Variants in PIGA observed in about 807,000 individuals in gnomAD.
PIGA encodes the protein phosphatidylinositol glycan anchor biosynthesis class A.
PIGA carries 3 observed loss-of-function variants against 17.1 expected under a neutral mutation model. The observed-to-expected ratio is 0.18, with a 90% confidence interval of 0.08 to 0.45. The LOEUF (loss-of-function observed/expected upper bound fraction) is 0.45. Among genes scored for constraint, PIGA ranks in the 20% least tolerant of loss-of-function variants. The pLI, the probability that PIGA is intolerant of heterozygous loss-of-function variation, is 0.99. For synonymous variants in PIGA, 126 were observed against 135.1 expected, an observed-to-expected ratio of 0.93 and a Z score of 0.47; for missense variants, 231 against 374.1, an observed-to-expected ratio of 0.62 and a Z score of 3.16.
Position 15,331,839 on chromosome X carries a change from C to A in PIGA, c.92G>T (p.Arg31Leu). The change falls in exon 2 of 6, where the codon CGT becomes CTT. Residue 31 changes from arginine (R) to leucine (L), a missense_variant. By Grantham distance (102) the Arg-to-Leu change is moderately radical (BLOSUM62 -2). Around this residue, in one of 5 missense-constraint regions of PIGA, gnomAD observed 29 missense variants for 28.1 expected, o/e 1.03. Transcript: ENST00000333590. ...SPGSLYTCRT[R>L]THNICMVSDF... ...AGATACCATGCATATATTATGGGTA[C>A]GGGTTCTACATGTGTAAAGACTTCC... 5.0e-6 allele frequency: 6 copies of A among 1,211,659 alleles called. No individual in the cohort carries two copies. The highest frequency in any genetic ancestry group is 5.6e-6 in the Non-Finnish European group (5 of 895,409).
intron 5 of PIGA, among the ~76,000 whole-genome samples, chrX:15,323,217 C>T (rs1364627329): frequency 2.7e-5 from 3 of 111,700 alleles, no homozygotes; most frequent in African/African-American, 9.8e-5. Flanking sequence ...TAACTTATTA[C>T]CTACAGTGGC....
At chrX:15,327,306 A>G (rs1174070155) in intron 2 of PIGA, 2 of 110,706 alleles carry the variant, frequency 1.8e-5, no homozygotes, top group Non-Finnish European at 1.9e-5. Flanking sequence ...AAAATAATCC[A>G]CCTAGAGCTA....
Position 15,319,521 on chromosome X carries a change from A to G in PIGA, c.*1985T>C, listed in dbSNP as rs1921732702. 2 of 112,222 alleles carry G rather than the reference A, an allele frequency of 1.8e-5. No individual in the cohort carries two copies. The highest frequency in any genetic ancestry group is 7.3e-4 in the South Asian group (2 of 2,754). 9.2% of individuals were successfully genotyped at this position (112,222 alleles called of 1,213,427 possible). On this transcript the variant is annotated 3_prime_UTR_variant, in exon 6 of 6. Coordinates refer to ENST00000333590, the MANE Select transcript of PIGA (RefSeq NM_002641.4). The stretch of plus-strand genomic sequence containing the variant: ...GCATGTTTTAACAAATCAGTTTTTC[A>G]TAGGCAACCTTTTGAAACATCAAAA...
chrX:15,321,696 G>A lies in PIGA; in HGVS notation c.1265C>T (p.Pro422Leu). The change falls in exon 6 of 6, where the codon CCA (proline) becomes CTA (leucine). Residue 422 changes from proline to leucine, a missense_variant. By Grantham distance (98) the Pro-to-Leu change is moderately conservative (BLOSUM62 -3). Coordinates refer to ENST00000333590, the MANE Select transcript of PIGA (RefSeq NM_002641.4). ...RLDRLISHCG[P>L]VTGYIFALLA... ...CAAAGCAAAGATGTAGCCTGTTACTGGGCCGCAGTGAGAAATAAGTCTGTC... is the reference window on the plus strand; with the variant it reads ...CAAAGCAAAGATGTAGCCTGTTACTAGGCCGCAGTGAGAAATAAGTCTGTC... 8.3e-7 allele frequency: 1 copy of A among 1,208,096 alleles called. No homozygotes were observed. Among genetic ancestry groups the A allele is most frequent in the Non-Finnish European group, 1.1e-6 (1 of 892,308 alleles).
intron 1 of PIGA, 125 bp from the exon 2 acceptor site, chrX:15,332,117 G>T: frequency 2.2e-6 from 1 of 446,082 alleles, no homozygotes; most frequent in Non-Finnish European, 3.4e-6. Flanking sequence ...TAAAAATAAA[G>T]CAAATCATCA....
Position 15,331,408 on chromosome X carries a change from GAGACACGGTT to G in PIGA, c.513_522del (p.Thr172PhefsTer20). The G allele has an allele frequency of 8.3e-7, 1 of 1,210,792 alleles. No homozygotes were observed. Among genetic ancestry groups the G allele is most frequent in the Non-Finnish European group, 1.1e-6 (1 of 894,521 alleles). ...CAAATGATGTGGTTTGTATCACAAA[GAGACACGGTT>G]AGAAGCTTGTTTGTAAGCACCGAGC... On this transcript the variant is annotated frameshift_variant, in exon 2 of 6. Transcript: ENST00000333590. LOFTEE classifies it high-confidence loss of function.
Position 15,334,175 on chromosome X carries a change from A to G in PIGA, c.-63+1326T>C, listed in dbSNP as rs747835228. 2.2e-4 allele frequency among the ~76,000 whole-genome samples: 23 copies of G among 103,850 alleles called. 1 individual carries two copies. The South Asian group carries it at 9.1e-3, about 41-fold the overall frequency. 90.2% of individuals were successfully genotyped at this position (103,850 alleles called of 115,157 possible). On this transcript the variant is annotated intron_variant, in intron 1 of 5. Coordinates refer to ENST00000333590, the MANE Select transcript of PIGA (RefSeq NM_002641.4). ...GCTTAACTGTCTAGTCTCTCCAACA[A>G]ATTCATCTACTTTTTTTTTTTTTTT...
chrX:15,335,522 G>A lies in PIGA; in HGVS notation c.-84C>T. The A allele has an allele frequency of 1.0e-6, 1 of 976,185 alleles. No homozygotes were observed. The highest frequency in any genetic ancestry group is 1.3e-6 in the Non-Finnish European group (1 of 775,738). 80.4% of individuals were successfully genotyped at this position (976,185 alleles called of 1,213,427 possible). On this transcript the variant is annotated 5_prime_UTR_variant, in exon 1 of 6. Coordinates refer to ENST00000333590, the MANE Select transcript of PIGA (RefSeq NM_002641.4). The stretch of plus-strand genomic sequence containing the variant: ...TCACCGGTGAGTTCCATGGCCGCCA[G>A]TGTCCGGACCTCCCGCGGCTGCAGC...
chrX:15,335,268 T>G (rs900623294), intron 1 of PIGA: 1 of 295,308 alleles, frequency 3.4e-6, no homozygotes, highest in Non-Finnish European at 5.8e-6. Flanking sequence ...AGGCCCGGGG[T>G]TCCGGAGACC....
chrX:15,329,851 C>T (rs753657072), intron 2 of PIGA, among the ~76,000 whole-genome samples: 154 of 111,100 alleles, frequency 1.4e-3, no homozygotes, highest in African/African-American at 4.8e-3. Flanking sequence ...TTTGGGAGGC[C>T]GGGGCAGGTG....
chrX:15,334,991 G>A (rs1206467779), intron 1 of PIGA, among the ~76,000 whole-genome samples: 4 of 111,890 alleles, frequency 3.6e-5, no homozygotes, highest in Non-Finnish European at 5.6e-5. Flanking sequence ...CACGACCAAC[G>A]AGCCCTGGGC....
chrX:15,329,478 A>C (rs1365331273), intron 2 of PIGA, among the ~76,000 whole-genome samples: 1 of 111,986 alleles, frequency 8.9e-6, no homozygotes, highest in Non-Finnish European at 1.9e-5. Context: ...TGTTTTATGA[A>C]GGAGGGTGTG....
rs182885467 is a variant in PIGA, at chrX:15,324,530, T to C, written c.1188+135A>G. The C allele has an allele frequency of 2.5e-5, 13 of 520,643 alleles. No individual in the cohort carries two copies. In the Admixed American group the frequency reaches 2.9e-4, roughly 11 times the overall value. The allele number at this position is 520,643 out of a possible 1,213,427, so 42.9% of individuals were successfully genotyped here. ...CGGTGTGTGTACCAAAATCTGTTTC[T>C]TTTCACCTGGAAGAGATTTCATCAA... On this transcript the variant is annotated intron_variant, in intron 5 of 5. Coordinates refer to ENST00000333590, the MANE Select transcript of PIGA (RefSeq NM_002641.4).
chrX:15,321,826 T>A, intron 5 of PIGA, 54 bp from the exon 6 acceptor site: 1 of 1,080,162 alleles, frequency 9.3e-7, no homozygotes, highest in Admixed American at 2.4e-5. Flanking sequence ...CCATCACCTG[T>A]CCCATGATAA....
chrX:15,332,455 A>G (rs931013026), intron 1 of PIGA, among the ~76,000 whole-genome samples: 6 of 112,491 alleles, frequency 5.3e-5, no homozygotes, highest in South Asian at 3.7e-4. Context: ...CCAAAACTCC[A>G]TGAGTTATCA....
chrX:15,322,622 C>T (rs1204387098), intron 5 of PIGA, among the ~76,000 whole-genome samples: 1 of 111,807 alleles, frequency 8.9e-6, no homozygotes, highest in Non-Finnish European at 1.9e-5. Flanking sequence ...GACCTTTAAA[C>T]CGTCTCCTTT....
chrX:15,333,891 C>T (rs1341502978), intron 1 of PIGA, among the ~76,000 whole-genome samples: 1 of 111,447 alleles, frequency 9.0e-6, no homozygotes, highest in Admixed American at 9.5e-5. Context: ...ATTTAAAGTG[C>T]GAAATGTTTA....
At position 15,320,491 on chromosome X, in the gene PIGA, C is replaced by T. The variant is rs927139616; in HGVS notation, c.*1015G>A. ...ACTGACAATACTTATCAGACATCAG[C>T]GAGGCCACAGTGAAGGGGAGTGACT... On this transcript the variant is annotated 3_prime_UTR_variant, in exon 6 of 6. Coordinates refer to ENST00000333590, the MANE Select transcript of PIGA (RefSeq NM_002641.4). 3 of 112,119 alleles carry T rather than the reference C, an allele frequency of 2.7e-5. No homozygotes were observed. The highest frequency in any genetic ancestry group is 3.8e-5 in the Non-Finnish European group (2 of 53,262). The allele number at this position is 112,119 out of a possible 1,213,427, so 9.2% of individuals were successfully genotyped here.
At chrX:15,328,962 G>A (rs755924625) in intron 2 of PIGA, 2 of 112,427 alleles carry the variant, frequency 1.8e-5, no homozygotes, top group African/African-American at 6.5e-5. Context: ...AATGCCAGTC[G>A]GTTCACATGT....
Sources: gnomAD v4.1 joint callset for allele counts (sites outside exome capture counted in the v4.1 genomes callset) on GRCh38, gnomAD v4.1.1 for gene constraint, gnomAD v4.1.1 regional missense constraint, MANE v1.5 for transcripts, NCBI Gene and HGNC (gene_info 2026-07-23, HGNC 2026-07-21) for gene names.